The following PYM1 variants were observed in gnomAD, a reference collection of about 807,000 sequenced individuals.
PYM1 encodes partner of Y14 and mago.
PYM1 carries 7 observed loss-of-function variants against 20.7 expected under a neutral mutation model. The observed-to-expected ratio is 0.34, with a 90% CI of 0.19 to 0.64. PYM1 has a LOEUF of 0.64. Ranked by LOEUF, PYM1 falls within the 30% of genes least tolerant of loss-of-function variation. The probability of loss-of-function intolerance (pLI) is 0.74; values close to 1 mark genes in which losing one functional copy is unlikely to be tolerated. For missense variants in PYM1, 194 were observed against 250.0 expected, an observed-to-expected ratio of 0.78 and a Z score of 1.51; for synonymous variants, 100 against 99.2, an observed-to-expected ratio of 1.01 and a Z score of -0.05.
At chr12:55,914,814 A>G (rs1882978804) in intron 1 of PYM1, among the ~76,000 whole-genome samples, 1 of 152,216 alleles carries the variant, frequency 6.6e-6, no homozygotes, top group Non-Finnish European at 1.5e-5. Context: ...AATGATCATA[A>G]TCATTTCCCT....
chr12:55,910,257 ATATATATATATATATAT>A (rs1343814558), intron 1 of PYM1, among the ~76,000 whole-genome samples: 6 of 746 alleles, frequency 8.0e-3, no homozygotes, highest in African/African-American at 0.061. Context: ...TTATACATAT[ATATATATATATATATAT>A]ATATATATAT....
chr12:55,918,233 G>C (rs1211672834), intron 1 of PYM1, among the ~76,000 whole-genome samples: 3 of 151,838 alleles, frequency 2.0e-5, no homozygotes, highest in Non-Finnish European at 4.4e-5. Context: ...GAGTAGCTGG[G>C]ACTACAGGTG....
Position 55,927,773 on chromosome 12 carries a change from C to G in PYM1, c.-12G>C. On this transcript the variant is annotated 5_prime_UTR_variant, in exon 1 of 3. Coordinates refer to ENST00000408946, the MANE Select transcript of PYM1 (RefSeq NM_032345.3). ...CCGGCAGCTTCCATGGCCGAAGAGGCAGCGGACCAGGTTGGGCGGGCGGCC... is the reference window on the plus strand; with the variant it reads ...CCGGCAGCTTCCATGGCCGAAGAGGGAGCGGACCAGGTTGGGCGGGCGGCC... The G allele has an allele frequency of 6.5e-7, 1 of 1,538,322 alleles. No homozygotes were observed. The highest frequency in any genetic ancestry group is 8.7e-7 in the Non-Finnish European group (1 of 1,146,056).
intron 1 of PYM1, among the ~76,000 whole-genome samples, chr12:55,915,041 C>A (rs1882982164): frequency 6.6e-6 from 1 of 151,558 alleles, no homozygotes; most frequent in South Asian, 2.1e-4. Context: ...CGATGAAACC[C>A]CATCTCCACT....
At chr12:55,916,535 C>T (rs1355036108) in intron 1 of PYM1, among the ~76,000 whole-genome samples, 1 of 152,020 alleles carries the variant, frequency 6.6e-6, no homozygotes, top group Non-Finnish European at 1.5e-5. Context: ...CGGTGACTCA[C>T]GCCTGTAATC....
intron 1 of PYM1, among the ~76,000 whole-genome samples, chr12:55,904,553 G>A (rs1306096039): frequency 6.0e-5 from 8 of 132,938 alleles, no homozygotes; most frequent in East Asian, 2.2e-4. Flanking sequence ...CAGAGATTGC[G>A]CCACTGCACT....
chr12:55,902,423 TC>T, intron 2 of PYM1, 68 bp from the exon 3 acceptor site: 2 of 1,524,504 alleles, frequency 1.3e-6, no homozygotes, highest in Non-Finnish European at 1.8e-6. Context: ...TTCTTAAACT[TC>T]CAAACACTTC....
intron 1 of PYM1, among the ~76,000 whole-genome samples, chr12:55,905,905 A>AGATATATATATTATATAT (rs1565714469): frequency 4.6e-5 from 3 of 65,932 alleles, no homozygotes; most frequent in Non-Finnish European, 8.6e-5. Context: ...TATATATCTA[A>AGATATATATATTATATAT]TAGATATATA....
intron 1 of PYM1, among the ~76,000 whole-genome samples, chr12:55,918,047 C>T (rs977235360): frequency 1.2e-4 from 18 of 151,908 alleles, no homozygotes; most frequent in Admixed American, 7.2e-4. Flanking sequence ...TACCCCAAAC[C>T]TCAGCATCAC....
At chr12:55,905,861 A>ATATATATATATCTATTAGATATATATAT (rs1882793024) in intron 1 of PYM1, among the ~76,000 whole-genome samples, 3 of 40,056 alleles carry the variant, frequency 7.5e-5, no homozygotes, top group East Asian at 8.0e-4. Flanking sequence ...TATATATTAG[A>ATATATATATATCTATTAGATATATATAT]TATATATATA....
intron 1 of PYM1, among the ~76,000 whole-genome samples, chr12:55,918,217 T>C (rs1035424827): frequency 6.6e-6 from 1 of 151,492 alleles, no homozygotes; most frequent in African/African-American, 2.4e-5. Context: ...CCTGCCTCAG[T>C]CTCCCGAGTA....
At chr12:55,923,827 C>G (rs1883141478) in intron 1 of PYM1, among the ~76,000 whole-genome samples, 1 of 151,522 alleles carries the variant, frequency 6.6e-6, no homozygotes, top group African/African-American at 2.4e-5. Context: ...CCTGTAATCC[C>G]AGCACTTTGG....
At chr12:55,922,801 C>G (rs1214086398) in intron 1 of PYM1, among the ~76,000 whole-genome samples, 1 of 152,114 alleles carries the variant, frequency 6.6e-6, no homozygotes, top group Non-Finnish European at 1.5e-5. Context: ...CTGACCAGTA[C>G]TCCTCAAAAC....
intron 1 of PYM1, among the ~76,000 whole-genome samples, chr12:55,917,764 C>G (rs537269330): frequency 2.0e-5 from 3 of 152,128 alleles, no homozygotes; most frequent in African/African-American, 7.2e-5. Context: ...GAGTTGGAGA[C>G]CAGCCTGGCC....
intron 1 of PYM1, among the ~76,000 whole-genome samples, chr12:55,907,616 G>C (rs1054052087): frequency 7.1e-6 from 1 of 141,016 alleles, no homozygotes; most frequent in African/African-American, 2.7e-5. Flanking sequence ...CCTGGTGACA[G>C]AGCGAGACTT....
intron 1 of PYM1, among the ~76,000 whole-genome samples, chr12:55,905,987 A>ATCTATTAGATATAT (rs1565714584): frequency 5.6e-5 from 7 of 124,464 alleles, no homozygotes; most frequent in Non-Finnish European, 7.8e-5. Flanking sequence ...TATTATATAT[A>ATCTATTAGATATAT]ATATAAAATA....
chr12:55,911,220 T>G (rs1018106297), intron 1 of PYM1, among the ~76,000 whole-genome samples: 1 of 152,168 alleles, frequency 6.6e-6, no homozygotes. Context: ...ACGATTCTCC[T>G]GCCTCAGCCT....
At chr12:55,919,407 G>A (rs1412788993) in intron 1 of PYM1, among the ~76,000 whole-genome samples, 1 of 152,150 alleles carries the variant, frequency 6.6e-6, no homozygotes, top group Non-Finnish European at 1.5e-5. Context: ...ACCCGCCTCA[G>A]CCTCCCAAAG....
chr12:55,927,570 C>T, intron 1 of PYM1, 155 bp downstream of exon 1: 1 of 960,944 alleles, frequency 1.0e-6, no homozygotes, highest in Non-Finnish European at 1.5e-6. Context: ...CGCACTGGGG[C>T]GCACAAGTGT....
Sources: allele counts gnomAD v4.1 joint callset (sites outside exome capture counted in the v4.1 genomes callset), GRCh38; gene constraint gnomAD v4.1.1; transcripts MANE v1.5; gene names NCBI Gene and HGNC (gene_info 2026-07-23, HGNC 2026-07-21).